The following TNS1 variants were observed in gnomAD, a reference collection of about 807,000 sequenced individuals.
TNS1 encodes the protein tensin 1.
A neutral mutation model predicts 168.6 loss-of-function variants in TNS1; 62 were observed. The ratio of observed to expected loss-of-function variants is 0.37; its 90% CI spans 0.30 to 0.45. The LOEUF is 0.45. Among genes scored for constraint, TNS1 ranks in the 20% least tolerant of loss-of-function variants. The pLI, the probability that TNS1 is intolerant of heterozygous loss-of-function variation, is 1.00. For missense variants in TNS1, 2,240 were observed against 2,339.4 expected (o/e 0.96, Z 0.88); for synonymous variants, 934 against 933.2 (o/e 1.00, Z -0.02).
At chr2:217,879,913 C>T (rs921492411) in intron 18 of TNS1, among the ~76,000 whole-genome samples, 2 of 152,310 alleles carry the variant, frequency 1.3e-5, no homozygotes, top group Non-Finnish European at 2.9e-5. Context: ...AGAAGCCAGA[C>T]GCTGGGTGCT....
intron 2 of TNS1, 131 bp from the exon 3 acceptor site, chr2:217,978,933 A>AGGAGAAAG (rs1957964622): frequency 1.5e-6 from 1 of 652,540 alleles, no homozygotes; most frequent in South Asian, 1.6e-5. Context: ...GACGGAGGGA[A>AGGAGAAAG]GGAGAGAGGG....
At position 217,803,727 on chromosome 2, in the gene TNS1, T is replaced by G. The variant is rs1937858118; in HGVS notation, c.*732A>C. ...CACCCATAGCTTGGTTGTTTGTCCCTCCCCTGCTGCACTGCCACCACCAAC... is the reference window on the plus strand; with the variant it reads ...CACCCATAGCTTGGTTGTTTGTCCCGCCCCTGCTGCACTGCCACCACCAAC... On this transcript the variant is annotated 3_prime_UTR_variant, in exon 33 of 33. Coordinates refer to ENST00000682258, the MANE Select transcript of TNS1 (RefSeq NM_001387777.1). 1 of 152,692 alleles carries G rather than the reference T, an allele frequency of 6.5e-6. No individual in the cohort carries two copies. Among genetic ancestry groups the G allele is most frequent in the Non-Finnish European group, 1.5e-5 (1 of 68,114 alleles). The allele number at this position is 152,692 out of a possible 1,614,324, so 9.5% of individuals were successfully genotyped here. A position where few individuals can be genotyped will look rare whatever the true frequency, so the allele number is the denominator to read the frequency against.
In TNS1 at chr2:217,929,555, C is replaced by T. The variant is rs572307676; in HGVS notation, c.187-9319G>A. Among the ~76,000 whole-genome samples the T allele has an allele frequency of 2.0e-5, 3 of 152,226 alleles. No homozygotes were observed. The East Asian group carries it at 5.8e-4, about 29-fold the overall frequency. The stretch of plus-strand genomic sequence containing the variant: ...AAGCACCAGCAGGGGTCAGAGGGCA[C>T]GGAGGGGCCCAGGGCATGACCCGTC... On this transcript the variant is annotated intron_variant, in intron 3 of 32. Transcript: ENST00000682258.
chr2:217,992,368 A>G (rs556732914), intron 1 of TNS1: 1 of 152,044 alleles, frequency 6.6e-6, no homozygotes, highest in African/African-American at 2.4e-5. Context: ...AGGAAAATCC[A>G]CTCATTCCTG....
At chr2:217,946,661 G>A (rs11902027) in intron 3 of TNS1, among the ~76,000 whole-genome samples, 1 of 152,052 alleles carries the variant, frequency 6.6e-6, no homozygotes, top group Non-Finnish European at 1.5e-5. Context: ...GCTGGGAGAC[G>A]GGGCGACCTG....
At position 217,937,145 on chromosome 2, in the gene TNS1, A is replaced by G. The variant is rs113806777; in HGVS notation, c.187-16909T>C. On this transcript the variant is annotated intron_variant, in intron 3 of 32. Coordinates refer to ENST00000682258, the MANE Select transcript of TNS1 (RefSeq NM_001387777.1). ...TCACATGAGCTGCCTCCTGCTTGAC[A>G]TTCCCACTGCGTTTTGCAGCAACAC... The G allele has an allele frequency of 7.8e-3, 3,217 of 413,966 alleles. 94 individuals carry two copies. The highest frequency in any genetic ancestry group is 0.059 in the African/African-American group (2,902 of 48,818). 25.6% of individuals were successfully genotyped at this position (413,966 alleles called of 1,614,324 possible). A position where few individuals can be genotyped will look rare whatever the true frequency, so the allele number is the denominator to read the frequency against.
chr2:218,007,806 G>A (rs989696206), upstream of TNS1, among the ~76,000 whole-genome samples: 6 of 152,054 alleles, frequency 3.9e-5, no homozygotes, highest in Non-Finnish European at 7.4e-5. Flanking sequence ...AGTCCCGGGT[G>A]CCCAGACCTC....
chr2:217,827,619 CAGG>C (rs946865105), intron 22 of TNS1, among the ~76,000 whole-genome samples: 4 of 152,212 alleles, frequency 2.6e-5, no homozygotes, highest in African/African-American at 9.7e-5. Flanking sequence ...GAGGAAGAGA[CAGG>C]AGACCAATAA....
At chr2:217,816,091 G>A (rs1015855871) in intron 24 of TNS1, among the ~76,000 whole-genome samples, 1 of 152,144 alleles carries the variant, frequency 6.6e-6, no homozygotes, top group Admixed American at 6.5e-5. Flanking sequence ...TACATAAAAG[G>A]AGGAATTCAG....
chr2:217,958,355 C>T (rs1046222848), intron 3 of TNS1, among the ~76,000 whole-genome samples: 1 of 152,170 alleles, frequency 6.6e-6, no homozygotes, highest in African/African-American at 2.4e-5. Context: ...ACATGCAGTC[C>T]CACACGGCAG....
At chr2:217,936,413 ATTTCAGGGGCC>A (rs1956610764) in intron 3 of TNS1, among the ~76,000 whole-genome samples, 1 of 151,948 alleles carries the variant, frequency 6.6e-6, no homozygotes, top group African/African-American at 2.4e-5. Flanking sequence ...CAGGAAGGAG[ATTTCAGGGGCC>A]TCCTTGGCCT....
intron 3 of TNS1, among the ~76,000 whole-genome samples, chr2:217,922,616 C>G (rs571532774): frequency 1.3e-5 from 2 of 152,338 alleles, no homozygotes; most frequent in Admixed American, 1.3e-4. Context: ...TTTGAACCAG[C>G]AGCAGAAGAG....
At chr2:217,994,672 C>T (rs2105960628) in intron 1 of TNS1, among the ~76,000 whole-genome samples, 1 of 152,274 alleles carries the variant, frequency 6.6e-6, no homozygotes, top group South Asian at 2.1e-4. Context: ...TCCAGAACAG[C>T]TTCTCCCAGG....
chr2:217,847,031 G>T (rs114114718), intron 19 of TNS1, among the ~76,000 whole-genome samples: 175 of 152,248 alleles, frequency 1.1e-3, no homozygotes, highest in African/African-American at 4.0e-3. Flanking sequence ...CCTTCTCCAC[G>T]TCTCCCCCAA....
chr2:217,957,522 G>A (rs981289247), intron 3 of TNS1, among the ~76,000 whole-genome samples: 1 of 152,130 alleles, frequency 6.6e-6, no homozygotes. Context: ...CCAATTGGCC[G>A]GTGAAGATGG....
At chr2:217,928,781 C>T (rs1462291169) in intron 3 of TNS1, among the ~76,000 whole-genome samples, 4 of 152,194 alleles carry the variant, frequency 2.6e-5, no homozygotes, top group Non-Finnish European at 5.9e-5. Context: ...CTTCCTCTTC[C>T]ATTTCCTCTT....
chr2:217,987,305 T>G (rs1958221359), intron 2 of TNS1, among the ~76,000 whole-genome samples: 1 of 152,176 alleles, frequency 6.6e-6, no homozygotes, highest in Non-Finnish European at 1.5e-5. Context: ...AGGGTTCATA[T>G]GCAGGAGTTC....
intron 1 of TNS1, among the ~76,000 whole-genome samples, chr2:217,996,960 G>A (rs749237207): frequency 2.1e-5 from 3 of 140,464 alleles, no homozygotes; most frequent in South Asian, 2.6e-4. Context: ...TCCACTTCCC[G>A]GCTCCCTGCC....
intron 3 of TNS1, among the ~76,000 whole-genome samples, chr2:217,933,850 G>A (rs1386040468): frequency 1.3e-5 from 2 of 152,184 alleles, no homozygotes; most frequent in African/African-American, 4.8e-5. Context: ...CAAACAATAG[G>A]GTGGAGTAGA....
Sources: gnomAD v4.1 joint callset for allele counts (sites outside exome capture counted in the v4.1 genomes callset) on GRCh38, gnomAD v4.1.1 for gene constraint, MANE v1.5 for transcripts, NCBI Gene and HGNC (gene_info 2026-07-23, HGNC 2026-07-21) for gene names.